Variants in SGTB observed in about 807,000 individuals in gnomAD.
SGTB encodes small glutamine-rich tetratricopeptide repeat-containing protein beta.
In SGTB, 19 loss-of-function variants were observed where a neutral mutation model predicts 43.9. That is an observed-to-expected ratio of 0.43 (90% CI 0.30 to 0.63). The LOEUF (loss-of-function observed/expected upper bound fraction) is 0.63. Among genes scored for constraint, SGTB ranks in the 30% least tolerant of loss-of-function variants. The probability of loss-of-function intolerance (pLI) is 0.12; values close to 1 mark genes in which losing one functional copy is unlikely to be tolerated. For missense variants in SGTB, 304 were observed against 358.9 expected, an observed-to-expected ratio of 0.85 and a Z score of 1.24; for synonymous variants, 116 against 117.3, an observed-to-expected ratio of 0.99 and a Z score of 0.07.
At chr5:65,672,691 C>T (rs1382243377) in intron 8 of SGTB, among the ~76,000 whole-genome samples, 2 of 152,200 alleles carry the variant, frequency 1.3e-5, no homozygotes, top group African/African-American at 4.8e-5. Flanking sequence ...CCTTCCCATG[C>T]TTACAGTGGC....
intron 5 of SGTB, among the ~76,000 whole-genome samples, chr5:65,686,819 C>A (rs761706147): frequency 3.3e-5 from 5 of 152,194 alleles, no homozygotes; most frequent in South Asian, 2.1e-4. Flanking sequence ...TAAAACACCA[C>A]CTAGCTCCAA....
intron 8 of SGTB, among the ~76,000 whole-genome samples, chr5:65,673,578 C>T (rs1231214740): frequency 6.6e-6 from 1 of 152,178 alleles, no homozygotes; most frequent in Non-Finnish European, 1.5e-5. Flanking sequence ...ACCCCCTACA[C>T]CCGGTATGGT....
Position 65,722,030 on chromosome 5 carries a change from G to C in SGTB, c.-136C>G, listed in dbSNP as rs184280823. Reference sequence around the variant, plus strand: ...GGCTCGGGATCGCAGCACTGGTCGCGGCGGCGCAAACTTCCCCGGCCCCTA... The same window carrying C: ...GGCTCGGGATCGCAGCACTGGTCGCCGCGGCGCAAACTTCCCCGGCCCCTA... On this transcript the variant is annotated 5_prime_UTR_variant, in exon 1 of 11. Coordinates refer to ENST00000381007, the MANE Select transcript of SGTB (RefSeq NM_019072.3). 1.9e-5 allele frequency: 3 copies of C among 155,296 alleles called. No individual in the cohort carries two copies. The highest frequency in any genetic ancestry group is 4.3e-5 in the Non-Finnish European group (3 of 70,146). The allele number at this position is 155,296 out of a possible 1,614,324, so 9.6% of individuals were successfully genotyped here. A position where few individuals can be genotyped will look rare whatever the true frequency, so the allele number is the denominator to read the frequency against.
chr5:65,694,417 G>GA (rs1351701838), intron 5 of SGTB, among the ~76,000 whole-genome samples: 4 of 151,412 alleles, frequency 2.6e-5, no homozygotes, highest in Non-Finnish European at 4.4e-5. Context: ...GGGTGACAAG[G>GA]AAAAAAAAGA....
chr5:65,710,973 G>A (rs1407495450), intron 3 of SGTB, among the ~76,000 whole-genome samples: 4 of 141,304 alleles, frequency 2.8e-5, no homozygotes, highest in Non-Finnish European at 6.0e-5. Flanking sequence ...TCTAGCCTGC[G>A]CAACAGGACA....
At chr5:65,714,773 C>T (rs1758118177) in intron 2 of SGTB, among the ~76,000 whole-genome samples, 1 of 152,216 alleles carries the variant, frequency 6.6e-6, no homozygotes, top group African/African-American at 2.4e-5. Flanking sequence ...CGAGATCACC[C>T]CACTGCACTC....
intron 5 of SGTB, among the ~76,000 whole-genome samples, chr5:65,691,803 C>A (rs1217641810): frequency 6.6e-6 from 1 of 151,234 alleles, no homozygotes; most frequent in African/African-American, 2.4e-5. Context: ...TGGTGGCGGG[C>A]GCCTGTAGTC....
At chr5:65,704,057 T>A (rs867421558) in intron 5 of SGTB, among the ~76,000 whole-genome samples, 120 of 147,152 alleles carry the variant, frequency 8.2e-4, no homozygotes, top group South Asian at 1.8e-3. Flanking sequence ...AAAAAATAAA[T>A]AAATAAATAA....
chr5:65,710,509 GA>G (rs1202257779), intron 3 of SGTB, among the ~76,000 whole-genome samples: 4 of 151,448 alleles, frequency 2.6e-5, no homozygotes, highest in Non-Finnish European at 5.9e-5. Flanking sequence ...CATAATTGGA[GA>G]AAAAAAATAG....
chr5:65,713,541 C>T (rs1758089036), intron 2 of SGTB, among the ~76,000 whole-genome samples: 1 of 152,084 alleles, frequency 6.6e-6, no homozygotes, highest in Admixed American at 6.6e-5. Context: ...TGGTCTCAAA[C>T]TCCTGGGCTC....
At chr5:65,687,438 C>T (rs923964054) in intron 5 of SGTB, among the ~76,000 whole-genome samples, 1 of 152,186 alleles carries the variant, frequency 6.6e-6, no homozygotes, top group Non-Finnish European at 1.5e-5. Context: ...TAGATACATA[C>T]GTACTCAGAA....
At chr5:65,682,735 C>T (rs553233494) in intron 6 of SGTB, among the ~76,000 whole-genome samples, 19 of 152,202 alleles carry the variant, frequency 1.2e-4, no homozygotes, top group African/African-American at 3.6e-4. Context: ...AGTTTAAATA[C>T]CTATTAAACA....
chr5:65,701,525 CA>C (rs1757818787), intron 5 of SGTB, among the ~76,000 whole-genome samples: 1 of 151,874 alleles, frequency 6.6e-6, no homozygotes, highest in Admixed American at 6.6e-5. Context: ...ATATGAAAAA[CA>C]TTAAAAGGCA....
intron 3 of SGTB, among the ~76,000 whole-genome samples, chr5:65,711,150 G>A (rs1758038771): frequency 6.6e-6 from 1 of 151,968 alleles, no homozygotes; most frequent in Non-Finnish European, 1.5e-5. Context: ...GGGCGACAGG[G>A]CGAGACTCCA....
intron 5 of SGTB, among the ~76,000 whole-genome samples, chr5:65,693,020 C>G (rs1390780621): frequency 6.6e-6 from 1 of 152,026 alleles, no homozygotes. Flanking sequence ...GCCTGCCCAA[C>G]ATGATGAAAT....
At chr5:65,708,936 G>A (rs1045105995) in intron 3 of SGTB, among the ~76,000 whole-genome samples, 16 of 152,082 alleles carry the variant, frequency 1.1e-4, no homozygotes, top group African/African-American at 3.9e-4. Flanking sequence ...AGCTACTTGG[G>A]AGGCTGAGGT....
At chr5:65,694,404 C>T (rs1487547835) in intron 5 of SGTB, among the ~76,000 whole-genome samples, 1 of 152,070 alleles carries the variant, frequency 6.6e-6, no homozygotes, top group Non-Finnish European at 1.5e-5. Context: ...TGCACTCCAG[C>T]CTGGGTGACA....
intron 3 of SGTB, 66 bp downstream of exon 3, chr5:65,712,895 T>C: frequency 7.8e-7 from 1 of 1,287,884 alleles, no homozygotes; most frequent in South Asian, 1.3e-5. Flanking sequence ...CCCTCAGCTA[T>C]TAACAATCTA....
At chr5:65,678,723 C>CTGGCAAAAGCAA (rs565216530) in intron 8 of SGTB, among the ~76,000 whole-genome samples, 270 of 152,212 alleles carry the variant, frequency 1.8e-3, no homozygotes, top group Middle Eastern at 3.4e-3. Flanking sequence ...TTTGACAAAC[C>CTGGCAAAAGCAA]TGGCAAAAGC....
Sources: allele counts gnomAD v4.1 joint callset (sites outside exome capture counted in the v4.1 genomes callset), GRCh38; gene constraint gnomAD v4.1.1; transcripts MANE v1.5; gene names NCBI Gene and HGNC (gene_info 2026-07-23, HGNC 2026-07-21).